MAGI1: variants seen among roughly 807,000 people sequenced by gnomAD.
MAGI1 encodes the protein membrane associated guanylate kinase, WW and PDZ domain containing 1.
Under a neutral mutation model 139.9 loss-of-function variants are expected in MAGI1, and 58 were observed. The observed-to-expected ratio is 0.41, with a 90% CI of 0.34 to 0.52. MAGI1 has a LOEUF of 0.52. MAGI1 is among the 20% of genes least tolerant of loss of function. MAGI1 has a pLI of 0.12. For missense variants in MAGI1, 1,874 were observed against 1,901.6 expected (o/e 0.99, Z 0.27); for synonymous variants, 812 against 737.9 (o/e 1.10, Z -1.63).
intron 2 of MAGI1, among the ~76,000 whole-genome samples, chr3:65,557,771 G>A (rs1382323303): frequency 2.0e-5 from 3 of 152,138 alleles, no homozygotes; most frequent in Non-Finnish European, 1.5e-5. Context: ...CATTAGGTGG[G>A]TGAATTAATT....
At chr3:65,885,268 G>A (rs745985918) in intron 1 of MAGI1, among the ~76,000 whole-genome samples, 11 of 151,744 alleles carry the variant, frequency 7.2e-5, no homozygotes, top group African/African-American at 1.2e-4. Context: ...GTGGTGGTGC[G>A]CATCTGTAAT....
At chr3:65,515,837 C>T (rs2077845520) in intron 2 of MAGI1, among the ~76,000 whole-genome samples, 1 of 152,160 alleles carries the variant, frequency 6.6e-6, no homozygotes, top group Non-Finnish European at 1.5e-5. Flanking sequence ...CTATTTTTTA[C>T]AACCACAACA....
chr3:65,957,507 C>G (rs1262441844), intron 1 of MAGI1, among the ~76,000 whole-genome samples: 1 of 106,672 alleles, frequency 9.4e-6, no homozygotes, highest in Non-Finnish European at 1.8e-5. Context: ...GGCCACAGAG[C>G]AAGACTTCAT....
intron 4 of MAGI1, among the ~76,000 whole-genome samples, chr3:65,475,011 A>G (rs185142923): frequency 1.6e-3 from 239 of 152,234 alleles, no homozygotes; most frequent in African/African-American, 4.6e-3. Context: ...AGAAATGATT[A>G]TCTCTTAACT....
chr3:65,997,893 T>C lies in MAGI1; in HGVS notation c.313+40103A>G, dbSNP rs528152428. 3.9e-5 allele frequency among the ~76,000 whole-genome samples: 6 copies of C among 152,206 alleles called. No individual in the cohort carries two copies. In the East Asian group the frequency reaches 1.2e-3, roughly 30 times the overall value. The stretch of plus-strand genomic sequence containing the variant: ...GTAGTTGTTGGCTGGGTGTGGTGGC[T>C]CCTGCCTGTAATCCCAGCAGTTTGA... On this transcript the variant is annotated intron_variant, in intron 1 of 22. Transcript: ENST00000402939.
intron 1 of MAGI1, among the ~76,000 whole-genome samples, chr3:65,637,563 A>G (rs1024817724): frequency 2.4e-5 from 2 of 81,744 alleles, no homozygotes; most frequent in Non-Finnish European, 5.1e-5. Context: ...AAAAAAAGAA[A>G]GAAAGAAAGA....
chr3:65,875,214 G>C (rs990459050), intron 1 of MAGI1, among the ~76,000 whole-genome samples: 5 of 152,172 alleles, frequency 3.3e-5, no homozygotes, highest in Non-Finnish European at 7.3e-5. Flanking sequence ...ACAGAAAACA[G>C]ATTTGTAGCT....
At chr3:65,886,563 C>G (rs565468187) in intron 1 of MAGI1, among the ~76,000 whole-genome samples, 32 of 152,258 alleles carry the variant, frequency 2.1e-4, no homozygotes, top group Admixed American at 1.5e-3. Flanking sequence ...GAGATGTGAG[C>G]AGAAGCACAG....
chr3:65,611,859 A>G (rs929428081), intron 2 of MAGI1, among the ~76,000 whole-genome samples: 2 of 151,694 alleles, frequency 1.3e-5, no homozygotes, highest in Non-Finnish European at 2.9e-5. Flanking sequence ...AAGCCAAGCC[A>G]CTTAACTTTA....
chr3:65,775,539 G>C (rs372654972), intron 1 of MAGI1, among the ~76,000 whole-genome samples: 2 of 42,276 alleles, frequency 4.7e-5, no homozygotes. Context: ...GCATCTTAAA[G>C]AAAACATAGT....
intron 2 of MAGI1, among the ~76,000 whole-genome samples, chr3:65,564,487 T>C (rs563109260): frequency 6.6e-6 from 1 of 152,296 alleles, no homozygotes; most frequent in Non-Finnish European, 1.5e-5. Flanking sequence ...TAAAAAGAGA[T>C]GGCTTATAAA....
chr3:65,831,610 T>C (rs2042534407), intron 1 of MAGI1, among the ~76,000 whole-genome samples: 1 of 152,172 alleles, frequency 6.6e-6, no homozygotes, highest in South Asian at 2.1e-4. Context: ...AATGCCGTTT[T>C]TGAACTAAAA....
chr3:65,624,997 C>T (rs1011791916), intron 1 of MAGI1, among the ~76,000 whole-genome samples: 4 of 152,014 alleles, frequency 2.6e-5, no homozygotes, highest in East Asian at 3.9e-4. Context: ...CTCAGCCTTC[C>T]GAGTAGCAGG....
intron 14 of MAGI1, chr3:65,387,211 G>C: frequency 1.2e-6 from 2 of 1,613,804 alleles, no homozygotes; most frequent in South Asian, 1.1e-5. Context: ...TCCCGACGCA[G>C]GTGAAGGTGA....
rs1226675660 is a variant in MAGI1, at chr3:65,356,886, C to T, written c.3881G>A (p.Cys1294Tyr). The T allele has an allele frequency of 1.9e-6, 3 of 1,614,026 alleles. No homozygotes were observed. The highest frequency in any genetic ancestry group is 2.5e-6 in the Non-Finnish European group (3 of 1,179,984). Residue 1294 changes from cysteine (C) to tyrosine (Y), a missense_variant, in exon 23 of 23, where the codon TGC (cysteine) becomes TAC (tyrosine). Cys to Tyr is a radical substitution (Grantham distance 194). This residue lies in a region of MAGI1 where 653 missense variants were observed against 644.5 expected (regional missense o/e 1.01). Coordinates refer to ENST00000402939, the MANE Select transcript of MAGI1 (RefSeq NM_001033057.2). ...GTSRKPDSGA[C>Y]RPKDRAPEGR... ...CTCCGGCGCCCGGTCCTTGGGTCGG[C>T]ATGCCCCGCTGTCGGGTTTCCTCGA...
chr3:65,787,767 T>C (rs546314624), intron 1 of MAGI1, among the ~76,000 whole-genome samples: 1 of 152,080 alleles, frequency 6.6e-6, no homozygotes, highest in Non-Finnish European at 1.5e-5. Context: ...ATGGATATGA[T>C]AACACCGCTG....
chr3:65,497,300 T>A (rs1395927687), intron 2 of MAGI1, among the ~76,000 whole-genome samples: 1 of 151,992 alleles, frequency 6.6e-6, no homozygotes, highest in Non-Finnish European at 1.5e-5. Flanking sequence ...TTTTCGAAGA[T>A]GAGAATAAGA....
intron 1 of MAGI1, among the ~76,000 whole-genome samples, chr3:65,626,465 C>T (rs1171348684): frequency 6.6e-6 from 1 of 152,150 alleles, no homozygotes; most frequent in East Asian, 1.9e-4. Flanking sequence ...GCTGGGACTA[C>T]AGGCATGCAC....
At chr3:65,509,667 T>G (rs1404889336) in intron 2 of MAGI1, among the ~76,000 whole-genome samples, 1 of 152,098 alleles carries the variant, frequency 6.6e-6, no homozygotes, top group Non-Finnish European at 1.5e-5. Context: ...CCACGGAATC[T>G]CGCTGATTGC....
Sources: allele counts gnomAD v4.1 joint callset (sites outside exome capture counted in the v4.1 genomes callset), GRCh38; gene constraint gnomAD v4.1.1; regional missense constraint gnomAD v4.1.1; transcripts MANE v1.5; gene names NCBI Gene and HGNC (gene_info 2026-07-23, HGNC 2026-07-21).